The following PRKCZ variants were observed in gnomAD, a reference collection of about 807,000 sequenced individuals.
PRKCZ encodes protein kinase C zeta type.
A neutral mutation model predicts 79.5 loss-of-function variants in PRKCZ; 33 were observed. That is an observed-to-expected ratio of 0.41 (90% CI 0.31 to 0.55). The LOEUF (loss-of-function observed/expected upper bound fraction) is 0.55, where lower values mean the gene tolerates loss of function less well. Among genes scored for constraint, PRKCZ ranks in the 20% least tolerant of loss-of-function variants. The pLI is 0.19. For synonymous variants in PRKCZ, 342 were observed against 320.9 expected (o/e 1.07, Z -0.70); for missense variants, 578 against 813.5 (o/e 0.71, Z 3.52).
At chr1:2,099,581 A>AG (rs1403526178) in intron 4 of PRKCZ, among the ~76,000 whole-genome samples, 1 of 151,878 alleles carries the variant, frequency 6.6e-6, no homozygotes, top group Non-Finnish European at 1.5e-5. Flanking sequence ...ACCCGGAGGG[A>AG]GGGGGCAGCA....
At position 2,082,192 on chromosome 1, in the gene PRKCZ, G is replaced by A. The variant is rs993113807; in HGVS notation, c.334+22601G>A. 6.0e-5 allele frequency: 21 copies of A among 349,430 alleles called. No individual in the cohort carries two copies. Among genetic ancestry groups the A allele is most frequent in the Non-Finnish European group, 9.6e-5 (17 of 177,760 alleles). The allele number at this position is 349,430 out of a possible 1,614,324, so 21.6% of individuals were successfully genotyped here. ...CGGGTTCTTTGCAGCCCTTGGCAGC[G>A]TCGCCCGCTCTGTCCCGCCTGTTGT... is the stretch of plus-strand genomic sequence containing the variant. On this transcript the variant is annotated intron_variant, in intron 4 of 17. Coordinates refer to ENST00000378567, the MANE Select transcript of PRKCZ (RefSeq NM_002744.6). This position sits in a 1 kb window ranked among gnomAD's most constrained non-coding sequence, Gnocchi z 4.4.
chr1:2,119,337 C>T (rs1014973204), intron 4 of PRKCZ, among the ~76,000 whole-genome samples: 1 of 151,372 alleles, frequency 6.6e-6, no homozygotes, highest in African/African-American at 2.4e-5. Context: ...GCCTCAGCCT[C>T]CTGAGTAGCT....
chr1:2,157,020 C>G (rs935084885), intron 10 of PRKCZ, among the ~76,000 whole-genome samples: 5 of 152,116 alleles, frequency 3.3e-5, no homozygotes, highest in African/African-American at 4.8e-5. Flanking sequence ...GGCTGGAGGC[C>G]CAGGAGAGCC....
At chr1:2,150,638 G>T in intron 8 of PRKCZ, 152 bp from the exon 9 acceptor site, 1 of 720,094 alleles carries the variant, frequency 1.4e-6, no homozygotes. Flanking sequence ...GTTTGGGGGT[G>T]GGATATGTGG....
intron 1 of PRKCZ, among the ~76,000 whole-genome samples, chr1:2,054,334 C>T (rs1019275722): frequency 6.6e-6 from 1 of 152,082 alleles, no homozygotes; most frequent in South Asian, 2.1e-4. Context: ...GTGTGATTCC[C>T]GCTCTGAGTT....
intron 10 of PRKCZ, among the ~76,000 whole-genome samples, chr1:2,158,001 C>T (rs1428607325): frequency 2.0e-5 from 3 of 152,344 alleles, no homozygotes; most frequent in East Asian, 3.9e-4. Flanking sequence ...GTACATCTGG[C>T]GACTTGCTCT....
At chr1:2,087,843 C>T (rs756360794) in intron 4 of PRKCZ, among the ~76,000 whole-genome samples, 2 of 152,298 alleles carry the variant, frequency 1.3e-5, no homozygotes, top group Middle Eastern at 3.4e-3. Context: ...GGAGGACCAG[C>T]GTCTGGCCTG....
chr1:2,064,310 T>C (rs773718698), intron 4 of PRKCZ, among the ~76,000 whole-genome samples: 1 of 152,236 alleles, frequency 6.6e-6, no homozygotes, highest in Admixed American at 6.5e-5. Flanking sequence ...TCTCCTGCTT[T>C]GTGGGTTGTT....
rs887318015 is a variant in PRKCZ at position 2,050,481 on chromosome 1, C to A, written c.-150C>A. The A allele has an allele frequency of 3.1e-6, 1 of 319,418 alleles. No homozygotes were observed. Among genetic ancestry groups the A allele is most frequent in the Non-Finnish European group, 5.2e-6 (1 of 193,152 alleles). 19.8% of individuals were successfully genotyped at this position (319,418 alleles called of 1,614,324 possible). ...CGCCCCCCGCTCCCGCCCCGCGCGC[C>A]GCCGGAGTTCCGCGGAGTTGACCGG... On this transcript the variant is annotated 5_prime_UTR_variant, in exon 1 of 18. Coordinates refer to ENST00000378567, the MANE Select transcript of PRKCZ (RefSeq NM_002744.6).
intron 4 of PRKCZ, among the ~76,000 whole-genome samples, chr1:2,064,655 A>C (rs1346945648): frequency 6.6e-6 from 1 of 152,144 alleles, no homozygotes; most frequent in Non-Finnish European, 1.5e-5. Flanking sequence ...CCTTGTTGAA[A>C]ATCGTTTCAC....
intron 16 of PRKCZ, chr1:2,182,010 C>T (rs1453855020): frequency 5.4e-6 from 2 of 371,250 alleles, no homozygotes; most frequent in East Asian, 7.7e-5. Context: ...GTGGATGCTG[C>T]CTGTGGCCCA....
At chr1:2,158,152 G>A (rs997824168) in intron 10 of PRKCZ, among the ~76,000 whole-genome samples, 3 of 152,228 alleles carry the variant, frequency 2.0e-5, no homozygotes, top group African/African-American at 4.8e-5. Flanking sequence ...CTGGTCAAGG[G>A]TTCCTGTTTT....
chr1:2,176,409 C>G (rs1380266678), intron 16 of PRKCZ, among the ~76,000 whole-genome samples: 1 of 152,038 alleles, frequency 6.6e-6, no homozygotes, highest in African/African-American at 2.4e-5. Context: ...GTCGTGGGTT[C>G]TGTGTGGGAA....
intron 1 of PRKCZ, among the ~76,000 whole-genome samples, chr1:2,054,041 C>T (rs28602699): frequency 6.6e-6 from 1 of 152,156 alleles, no homozygotes; most frequent in Non-Finnish European, 1.5e-5. Flanking sequence ...CAGGTGGGCC[C>T]TGGGCTGCTG....
rs567570493 is a variant in PRKCZ at position 2,149,462 on chromosome 1, A to T, written c.687+538A>T. 2.0e-5 allele frequency among the ~76,000 whole-genome samples: 3 copies of T among 152,292 alleles called. No homozygotes were observed. The highest frequency in any genetic ancestry group is 1.3e-4 in the Admixed American group (2 of 15,302). On this transcript the variant is annotated intron_variant, in intron 8 of 17. Coordinates refer to ENST00000378567, the MANE Select transcript of PRKCZ (RefSeq NM_002744.6). This position sits in a 1 kb window ranked among gnomAD's most constrained non-coding sequence, Gnocchi z 4.1. The stretch of plus-strand genomic sequence containing the variant: ...CTCGTAAAACCCAGGGAAGGACTGC[A>T]CTAGCGAAGCCCACTCCTTTCCAGA...
chr1:2,169,044 T>C (rs1683878191), intron 10 of PRKCZ: 1 of 416,268 alleles, frequency 2.4e-6, no homozygotes, highest in South Asian at 1.7e-5. Context: ...GCTTGTTCCC[T>C]TGGAGGGCCG....
chr1:2,052,913 G>A (rs959326696), intron 1 of PRKCZ, among the ~76,000 whole-genome samples: 1 of 152,120 alleles, frequency 6.6e-6, no homozygotes, highest in African/African-American at 2.4e-5. Context: ...ATCCTTGCCT[G>A]TCCTCCCAGG....
At chr1:2,068,633 CT>C (rs1251820440) in intron 4 of PRKCZ, among the ~76,000 whole-genome samples, 1 of 152,236 alleles carries the variant, frequency 6.6e-6, no homozygotes, top group Non-Finnish European at 1.5e-5. Flanking sequence ...ATGGACTTGT[CT>C]TTTTGGAGGC....
upstream of PRKCZ, chr1:2,050,187 C>G (rs1465315305): frequency 6.6e-6 from 1 of 152,092 alleles, no homozygotes; most frequent in Non-Finnish European, 1.5e-5. Flanking sequence ...AGAGCCGCGC[C>G]GCGCGCGGTC....
Sources: gnomAD v4.1 joint callset for allele counts (sites outside exome capture counted in the v4.1 genomes callset) on GRCh38, gnomAD v4.1.1 for gene constraint, Gnocchi (gnomAD v3.1) non-coding constraint, MANE v1.5 for transcripts, NCBI Gene and HGNC (gene_info 2026-07-23, HGNC 2026-07-21) for gene names.